Variants in PCDH7 observed in about 807,000 individuals in gnomAD.
PCDH7 encodes the protein protocadherin-7.
PCDH7 carries 17 observed loss-of-function variants against 58.9 expected under a neutral mutation model. The ratio of observed to expected loss-of-function variants is 0.29; its 90% CI spans 0.20 to 0.43. The LOEUF (loss-of-function observed/expected upper bound fraction) is 0.43, where lower values mean the gene tolerates loss of function less well. Ranked by LOEUF, PCDH7 falls within the 20% of genes least tolerant of loss-of-function variation. The pLI, the probability that PCDH7 is intolerant of heterozygous loss-of-function variation, is 1.00. For synonymous variants in PCDH7, 664 were observed against 616.4 expected (o/e 1.08, Z -1.14); for missense variants, 1,274 against 1,441.0 (o/e 0.88, Z 1.88).
chr4:31,057,698 A>T (rs1757363911), intron 3 of PCDH7, among the ~76,000 whole-genome samples: 1 of 152,168 alleles, frequency 6.6e-6, no homozygotes, highest in Non-Finnish European at 1.5e-5. Context: ...TTAGTTTAGA[A>T]AAATTTATTG....
At chr4:30,767,140 A>T (rs1474305740) in intron 1 of PCDH7, among the ~76,000 whole-genome samples, 1 of 152,150 alleles carries the variant, frequency 6.6e-6, no homozygotes, top group African/African-American at 2.4e-5. Context: ...TGGCCACTGA[A>T]GTCTTAGTAT....
At chr4:31,129,126 G>A (rs61794143) in intron 3 of PCDH7, among the ~76,000 whole-genome samples, 4,578 of 152,238 alleles carry the variant, frequency 0.03, 184 homozygotes, top group East Asian at 0.19. Flanking sequence ...GGACTGGAAT[G>A]GTCCTAGGAT....
chr4:30,943,392 TTTA>T (rs1181761323), intron 2 of PCDH7, among the ~76,000 whole-genome samples: 1 of 152,162 alleles, frequency 6.6e-6, no homozygotes, highest in Admixed American at 6.6e-5. Context: ...TTATGTAGGT[TTTA>T]TTATTTCACC....
chr4:30,833,969 G>A (rs1730141920), intron 1 of PCDH7, among the ~76,000 whole-genome samples: 3 of 152,192 alleles, frequency 2.0e-5, no homozygotes, highest in Admixed American at 1.3e-4. Flanking sequence ...ATCCAGTGTA[G>A]CTAAGAACAT....
chr4:30,786,226 C>G (rs1052798398), intron 1 of PCDH7, among the ~76,000 whole-genome samples: 15 of 152,008 alleles, frequency 9.9e-5, no homozygotes, highest in African/African-American at 3.1e-4. Flanking sequence ...AGTGAGCTAT[C>G]TAATGATTGC....
At chr4:30,905,718 T>C (rs1176960673) in intron 1 of PCDH7, among the ~76,000 whole-genome samples, 2 of 152,228 alleles carry the variant, frequency 1.3e-5, no homozygotes, top group Non-Finnish European at 2.9e-5. Flanking sequence ...TCCCTCTGTC[T>C]TCCTGTCTTT....
intron 1 of PCDH7, among the ~76,000 whole-genome samples, chr4:30,780,955 G>A (rs1054924888): frequency 6.6e-6 from 1 of 152,080 alleles, no homozygotes; most frequent in Non-Finnish European, 1.5e-5. Flanking sequence ...GTACATATAA[G>A]CAGATTGTAA....
At chr4:30,885,564 G>C (rs958761105) in intron 1 of PCDH7, among the ~76,000 whole-genome samples, 1 of 151,756 alleles carries the variant, frequency 6.6e-6, no homozygotes, top group Non-Finnish European at 1.5e-5. Flanking sequence ...TAAAAGCTCT[G>C]CAATGCCATC....
intron 2 of PCDH7, among the ~76,000 whole-genome samples, chr4:30,923,414 G>A (rs1157889501): frequency 1.3e-5 from 2 of 152,112 alleles, no homozygotes; most frequent in Non-Finnish European, 2.9e-5. Flanking sequence ...TCTTCCTTCT[G>A]TACTGTAGTA....
chr4:30,884,915 G>C (rs73214925), intron 1 of PCDH7: 13,313 of 152,180 alleles, frequency 0.087, 743 homozygotes, highest in Non-Finnish European at 0.12. Context: ...GGTAGGAGTG[G>C]AAAGTGATTT....
At chr4:30,960,887 A>G (rs978138218) in intron 3 of PCDH7, among the ~76,000 whole-genome samples, 2 of 152,206 alleles carry the variant, frequency 1.3e-5, no homozygotes, top group African/African-American at 4.8e-5. Flanking sequence ...ATTTAGTTTT[A>G]AGATGTTTTA....
chr4:31,067,505 C>T (rs1045386102), intron 3 of PCDH7, among the ~76,000 whole-genome samples: 1 of 151,706 alleles, frequency 6.6e-6, no homozygotes, highest in Non-Finnish European at 1.5e-5. Flanking sequence ...GTGGTATTTC[C>T]GTGGGCTGTT....
In PCDH7 at chr4:30,721,938, C is replaced by T. The variant is rs544156156; in HGVS notation, c.516C>T (p.Phe172=). 1.3e-6 allele frequency: 2 copies of T among 1,558,652 alleles called. No homozygotes were observed. The highest frequency in any genetic ancestry group is 2.4e-5 in the East Asian group (1 of 41,722). Residue 172 remains phenylalanine (F), a synonymous_variant, in exon 1 of 2, where the codon TTC becomes TTT. Transcript: ENST00000361762. The surrounding 1 kb of genome is among the most constrained non-coding windows in gnomAD (Gnocchi z 6.7). ...TGCCCACAGCCACCGACCGCGACTTCGGCCGCAACGGCATCGAGCGCTACG... is the reference window on the plus strand; with the variant it reads ...TGCCCACAGCCACCGACCGCGACTTTGGCCGCAACGGCATCGAGCGCTACG...
At chr4:30,818,650 A>G (rs1403029112) in intron 1 of PCDH7, among the ~76,000 whole-genome samples, 4 of 152,240 alleles carry the variant, frequency 2.6e-5, no homozygotes, top group Non-Finnish European at 4.4e-5. Flanking sequence ...GAGGATTTGC[A>G]TTAGAATCTG....
At chr4:30,951,804 T>G (rs1747396383) in intron 3 of PCDH7, among the ~76,000 whole-genome samples, 1 of 152,184 alleles carries the variant, frequency 6.6e-6, no homozygotes, top group Non-Finnish European at 1.5e-5. Flanking sequence ...TTGACTCAAG[T>G]GGGACATGCC....
chr4:30,893,948 A>G (rs35309740), intron 1 of PCDH7, among the ~76,000 whole-genome samples: 35,742 of 151,950 alleles, frequency 0.24, 4,296 homozygotes, highest in Middle Eastern at 0.27. Context: ...TGGTACAGGG[A>G]GGCCACCAAT....
At chr4:30,968,642 T>G (rs1411024276) in intron 3 of PCDH7, among the ~76,000 whole-genome samples, 1 of 152,016 alleles carries the variant, frequency 6.6e-6, no homozygotes, top group Non-Finnish European at 1.5e-5. Context: ...AAAGATTAAT[T>G]CAGTTCACTT....
intron 1 of PCDH7, among the ~76,000 whole-genome samples, chr4:30,755,055 A>G (rs1266062604): frequency 6.6e-6 from 1 of 152,162 alleles, no homozygotes; most frequent in Non-Finnish European, 1.5e-5. Flanking sequence ...CTTTTCAAAG[A>G]TCATACAGTG....
At chr4:31,110,155 C>T (rs184651989) in intron 3 of PCDH7, among the ~76,000 whole-genome samples, 361 of 152,188 alleles carry the variant, frequency 2.4e-3, no homozygotes, top group African/African-American at 7.4e-3. Context: ...TATTTTTAGC[C>T]CAGTTTTCCG....
Sources: gnomAD v4.1 joint callset for allele counts (sites outside exome capture counted in the v4.1 genomes callset) on GRCh38, gnomAD v4.1.1 for gene constraint, Gnocchi (gnomAD v3.1) non-coding constraint, MANE v1.5 for transcripts, NCBI Gene and HGNC (gene_info 2026-07-23, HGNC 2026-07-21) for gene names.